The following ASTN1 variants were observed in gnomAD, a reference collection of about 807,000 sequenced individuals.
ASTN1 encodes astrotactin-1.
A neutral mutation model predicts 140.7 loss-of-function variants in ASTN1; 41 were observed. The observed-to-expected ratio is 0.29, with a 90% CI of 0.23 to 0.38. The LOEUF is 0.38. Among genes scored for constraint, ASTN1 ranks in the 10% least tolerant of loss-of-function variants. ASTN1 has a pLI of 1.00. For synonymous variants in ASTN1, 640 were observed against 652.2 expected (o/e 0.98, Z 0.29); for missense variants, 1,479 against 1,678.8 (o/e 0.88, Z 2.08).
chr1:177,029,069 A>T (rs1264622641), intron 5 of ASTN1, among the ~76,000 whole-genome samples: 3 of 152,146 alleles, frequency 2.0e-5, no homozygotes, highest in Non-Finnish European at 4.4e-5. Context: ...CACGTGGAGG[A>T]GAATGGATTA....
At chr1:176,940,808 G>A (rs1671683217) in intron 14 of ASTN1, among the ~76,000 whole-genome samples, 2 of 152,232 alleles carry the variant, frequency 1.3e-5, no homozygotes, top group Non-Finnish European at 2.9e-5. Context: ...AATTCTGCAA[G>A]ATAGAAATAG....
At chr1:176,974,994 G>A (rs12088901) in intron 8 of ASTN1, among the ~76,000 whole-genome samples, 1,555 of 152,282 alleles carry the variant, frequency 0.01, 29 homozygotes, top group African/African-American at 0.036. Flanking sequence ...TGTCTTAGAG[G>A]GAGAAGGGCT....
intron 16 of ASTN1, among the ~76,000 whole-genome samples, chr1:176,921,276 A>T (rs12741683): frequency 0.13 from 20,434 of 152,194 alleles, 1,474 homozygotes; most frequent in Middle Eastern, 0.2. Flanking sequence ...AAAGAGTTCC[A>T]TGAGATTCAG....
chr1:176,888,199 C>T lies in ASTN1; in HGVS notation c.2946G>A (p.Leu982=), dbSNP rs1282801377. ...LVTNNQTQRL[L]QEATMSSLWC... is the part of the protein sequence containing the mutation. ...AGAGAGAGCTCATGGTAGCCTCCTGCAAGAGCTGCATAAGAGAACAGGGAA... is the reference window on the plus strand; with the variant it reads ...AGAGAGAGCTCATGGTAGCCTCCTGTAAGAGCTGCATAAGAGAACAGGGAA... The change falls in exon 18 of 23, where the codon TTG becomes TTA. Residue 982 remains leucine (L), a synonymous_variant. Transcript: ENST00000361833. The T allele has an allele frequency of 1.2e-6, 2 of 1,613,788 alleles. No individual in the cohort carries two copies. Among genetic ancestry groups the T allele is most frequent in the African/African-American group, 2.7e-5 (2 of 74,890 alleles).
At chr1:177,149,122 A>AATATATATAGTGCATATATATAGTGC (rs1189641381) in intron 1 of ASTN1, among the ~76,000 whole-genome samples, 1 of 103,622 alleles carries the variant, frequency 9.7e-6, no homozygotes, top group Admixed American at 9.8e-5. Flanking sequence ...ATATATAGTA[A>AATATATATAGTGCATATATATAGTGC]ATATATATAG....
chr1:177,038,402 C>T (rs896705304), intron 2 of ASTN1, among the ~76,000 whole-genome samples: 24 of 151,812 alleles, frequency 1.6e-4, no homozygotes, highest in Middle Eastern at 3.2e-3. Context: ...TAAAACGCAG[C>T]GCCTGGCATA....
At chr1:177,116,487 C>A (rs531807447) in intron 1 of ASTN1, among the ~76,000 whole-genome samples, 1 of 152,122 alleles carries the variant, frequency 6.6e-6, no homozygotes, top group Non-Finnish European at 1.5e-5. Context: ...TAAACATACA[C>A]CCATTCATAA....
Position 177,164,487 on chromosome 1 carries a change from G to T in ASTN1, c.190C>A (p.Pro64Thr). 6.2e-7 allele frequency: 1 copy of T among 1,613,964 alleles called. No individual in the cohort carries two copies. Among genetic ancestry groups the T allele is most frequent in the Non-Finnish European group, 8.5e-7 (1 of 1,179,956 alleles). Residue 64 changes from proline (P) to threonine (T), a missense_variant, in exon 1 of 23, where the codon CCC (proline) becomes ACC (threonine). Physicochemically the swap from Pro to Thr is conservative, Grantham distance 38 (BLOSUM62 -1). Coordinates refer to ENST00000361833, the MANE Select transcript of ASTN1 (RefSeq NM_004319.3). ...TTGCGCACCGAGAAGAGGAGCTTGG[G>T]CTCCGAGGCCGAGGGGCTGTGCATG... ...SIMHSPSASE[P>T]KLLFSVRNDF...
chr1:177,094,626 C>T (rs958763161), intron 1 of ASTN1, among the ~76,000 whole-genome samples: 1 of 152,172 alleles, frequency 6.6e-6, no homozygotes, highest in Admixed American at 6.6e-5. Context: ...GTTTATAAGC[C>T]ACCCATTGTA....
intron 5 of ASTN1, 41 bp from the exon 6 acceptor site, chr1:177,024,773 C>T: frequency 6.3e-7 from 1 of 1,595,460 alleles, no homozygotes; most frequent in South Asian, 1.1e-5. Flanking sequence ...TGGTAAAAAG[C>T]TTGGCATTGA....
At chr1:177,029,770 G>A in intron 4 of ASTN1, 29 bp from the exon 5 acceptor site, 1 of 1,585,148 alleles carries the variant, frequency 6.3e-7, no homozygotes, top group Non-Finnish European at 8.6e-7. Flanking sequence ...GGTCAAGAAA[G>A]CGTTTTCAGT....
chr1:176,888,325 C>T (rs753175204), intron 17 of ASTN1, 121 bp from the exon 18 acceptor site: 62 of 1,177,016 alleles, frequency 5.3e-5, no homozygotes, highest in Non-Finnish European at 6.7e-5. Context: ...CAGGTTGTGT[C>T]GCCACTTTAT....
intron 1 of ASTN1, among the ~76,000 whole-genome samples, chr1:177,079,567 C>T (rs112001109): frequency 2.8e-4 from 43 of 152,188 alleles, no homozygotes; most frequent in African/African-American, 1.0e-3. Flanking sequence ...TCCCATTGTT[C>T]TCTGTTATGT....
chr1:177,099,687 A>G (rs1365944346), intron 1 of ASTN1, among the ~76,000 whole-genome samples: 1 of 152,140 alleles, frequency 6.6e-6, no homozygotes, highest in Non-Finnish European at 1.5e-5. Flanking sequence ...TTTCTTTGCT[A>G]AAAAGAGAGA....
At chr1:177,126,629 T>C (rs1377920919) in intron 1 of ASTN1, among the ~76,000 whole-genome samples, 6 of 152,194 alleles carry the variant, frequency 3.9e-5, no homozygotes, top group Non-Finnish European at 7.4e-5. Context: ...TGTCCAAAGA[T>C]TTCCCATTTG....
At chr1:176,860,263 T>G (rs2103003884), downstream of ASTN1, among the ~76,000 whole-genome samples, 1 of 152,278 alleles carries the variant, frequency 6.6e-6, no homozygotes, top group South Asian at 2.1e-4. Flanking sequence ...AGATCACACT[T>G]TATATGGGAG....
chr1:176,908,868 C>T (rs953224342), intron 16 of ASTN1, among the ~76,000 whole-genome samples: 1 of 152,146 alleles, frequency 6.6e-6, no homozygotes, highest in Non-Finnish European at 1.5e-5. Flanking sequence ...AATCTCTATA[C>T]ACTAGACACT....
At chr1:177,088,722 CT>C (rs1437759144) in intron 1 of ASTN1, among the ~76,000 whole-genome samples, 2 of 152,142 alleles carry the variant, frequency 1.3e-5, no homozygotes, top group Non-Finnish European at 1.5e-5. Context: ...ATTTCTGCCC[CT>C]CTGCCTTCCA....
chr1:176,907,546 C>T (rs1203606961), intron 16 of ASTN1, among the ~76,000 whole-genome samples: 1 of 152,234 alleles, frequency 6.6e-6, no homozygotes, highest in Non-Finnish European at 1.5e-5. Flanking sequence ...AGACAAAAAG[C>T]ACTGTTCAGT....
Sources: gnomAD v4.1 joint callset for allele counts (sites outside exome capture counted in the v4.1 genomes callset) on GRCh38, gnomAD v4.1.1 for gene constraint, MANE v1.5 for transcripts, NCBI Gene and HGNC (gene_info 2026-07-23, HGNC 2026-07-21) for gene names.